TAF1A: variants seen among roughly 807,000 people sequenced by gnomAD.
TAF1A encodes the protein TATA box-binding protein-associated factor RNA polymerase I subunit A.
Under a neutral mutation model 61.6 loss-of-function variants are expected in TAF1A, and 42 were observed. The observed-to-expected ratio is 0.68, with a 90% CI of 0.53 to 0.88. The LOEUF (loss-of-function observed/expected upper bound fraction) is 0.88. TAF1A is among the 40% of genes least tolerant of loss of function. TAF1A has a pLI of 0.00. For synonymous variants in TAF1A, 179 were observed against 177.7 expected, an observed-to-expected ratio of 1.01 and a Z score of -0.06; for missense variants, 424 against 518.7, an observed-to-expected ratio of 0.82 and a Z score of 1.77.
At chr1:222,558,856 G>A in intron 10 of TAF1A, 84 bp from the exon 11 acceptor site, 1 of 558,816 alleles carries the variant, frequency 1.8e-6, no homozygotes. Flanking sequence ...TCTGCTTTAA[G>A]TTTAGCACAC....
At position 222,563,231 on chromosome 1, in the gene TAF1A, T is replaced by G. The variant is rs1378521340; in HGVS notation, c.1027A>C (p.Thr343Pro). 1 of 1,612,736 alleles carries G rather than the reference T, an allele frequency of 6.2e-7. No homozygotes were observed. Among genetic ancestry groups the G allele is most frequent in the Non-Finnish European group, 8.5e-7 (1 of 1,179,304 alleles). Residue 343 changes from threonine to proline, a missense_variant, in exon 9 of 11, where the codon ACT (threonine) becomes CCT (proline). Transcript: ENST00000352967. ...LFGVLDFAGCTKNITAWKYLA... is the reference protein window; with the variant it reads ...LFGVLDFAGCPKNITAWKYLA... ...TATTTCCAAGCAGTTATATTCTTAGTGCATCCGGCAAAATCTAAGACTCCA... is the reference window on the plus strand; with the variant it reads ...TATTTCCAAGCAGTTATATTCTTAGGGCATCCGGCAAAATCTAAGACTCCA...
At chr1:222,579,491 A>G (rs1660700491) in intron 4 of TAF1A, among the ~76,000 whole-genome samples, 2 of 152,226 alleles carry the variant, frequency 1.3e-5, no homozygotes, top group African/African-American at 4.8e-5. Context: ...GCCCATCATC[A>G]TACCACTGCA....
chr1:222,566,026 C>T (rs1349183378), intron 7 of TAF1A, among the ~76,000 whole-genome samples: 2 of 152,216 alleles, frequency 1.3e-5, no homozygotes, highest in East Asian at 3.8e-4. Context: ...GAACTTTTCT[C>T]TATCATTTCT....
Position 222,569,585 on chromosome 1 carries a change from T to A in TAF1A, c.819A>T (p.Pro273=). 1 of 1,614,094 alleles carries A rather than the reference T, an allele frequency of 6.2e-7. No individual in the cohort carries two copies. The highest frequency in any genetic ancestry group is 8.5e-7 in the Non-Finnish European group (1 of 1,179,966). The part of the protein sequence containing the change: ...YAYDEKFPSN[P]NAHIYLYNFL... ...AGTTGTATAAGTAGATATGGGCATT[T>A]GGATTTGATGGAAACTTTTCATCAT... The change falls in exon 7 of 11, where the codon CCA becomes CCT. Residue 273 remains proline, a synonymous_variant. Transcript: ENST00000352967.
chr1:222,582,295 TAC>T (rs1452838892), intron 3 of TAF1A, among the ~76,000 whole-genome samples: 1 of 152,204 alleles, frequency 6.6e-6, no homozygotes, highest in Non-Finnish European at 1.5e-5. Flanking sequence ...GGAAAGCTAT[TAC>T]AGTGTTTTCA....
intron 1 of TAF1A, 74 bp from the exon 2 acceptor site, chr1:222,588,639 GCTAT>G (rs879824688): frequency 6.8e-5 from 99 of 1,464,232 alleles, no homozygotes; most frequent in East Asian, 5.9e-4. Context: ...CAGAAAAACG[GCTAT>G]CTTTTTATCT....
chr1:222,558,647 C>T lies in TAF1A; in HGVS notation c.*13G>A, dbSNP rs759698789. On this transcript the variant is annotated 3_prime_UTR_variant, in exon 11 of 11. Transcript: ENST00000352967. ...CTGTGTAGCTACAACTGTGAAATAA[C>T]TAAAATTCAGTATCAGAGTCTTGGA... 4 of 1,414,544 alleles carry T rather than the reference C, an allele frequency of 2.8e-6. No individual in the cohort carries two copies. The East Asian group carries it at 9.4e-5, about 33-fold the overall frequency. 87.6% of individuals were successfully genotyped at this position (1,414,544 alleles called of 1,614,324 possible).
intron 5 of TAF1A, among the ~76,000 whole-genome samples, chr1:222,574,687 A>G (rs1355115435): frequency 6.6e-6 from 1 of 152,254 alleles, no homozygotes; most frequent in Non-Finnish European, 1.5e-5. Flanking sequence ...AACATGTATT[A>G]TCTTAAAACT....
At chr1:222,571,474 A>G (rs1359657857) in intron 5 of TAF1A, among the ~76,000 whole-genome samples, 1 of 152,134 alleles carries the variant, frequency 6.6e-6, no homozygotes, top group East Asian at 1.9e-4. Context: ...TCTTGTACAC[A>G]GAAAAATCCT....
chr1:222,579,283 C>T (rs1164082556), intron 4 of TAF1A, among the ~76,000 whole-genome samples: 1 of 152,104 alleles, frequency 6.6e-6, no homozygotes, highest in Non-Finnish European at 1.5e-5. Flanking sequence ...GAGGGAGATA[C>T]AATATTTTGA....
At position 222,570,665 on chromosome 1, in the gene TAF1A, T is replaced by C. The variant is rs1418135663; in HGVS notation, c.605A>G (p.Asp202Gly). ...SEKKMELSKL[D>G]KDDYAYNAVA... ...TGCATTGTAAGCATAATCATCCTTA[T>C]CTGCCCAAAGATACAAGATCTTTTA... Residue 202 changes from aspartate (D) to glycine (G), a missense_variant and splice_region_variant, in exon 6 of 11, where the codon GAT becomes GGT. Asp to Gly is a moderately conservative substitution (Grantham distance 94). Transcript: ENST00000352967. 11 of 1,603,096 alleles carry C rather than the reference T, an allele frequency of 6.9e-6. 1 individual carries two copies. The South Asian group carries it at 1.2e-4, about 18-fold the overall frequency.
Position 222,561,395 on chromosome 1 carries a change from T to A in TAF1A, c.1209A>T (p.Lys403Asn). 6.2e-7 allele frequency: 1 copy of A among 1,608,202 alleles called. No individual in the cohort carries two copies. Among genetic ancestry groups the A allele is most frequent in the Non-Finnish European group, 8.5e-7 (1 of 1,177,952 alleles). Residue 403 changes from lysine to asparagine, a missense_variant, in exon 10 of 11, where the codon AAA becomes AAT. By Grantham distance (94) the Lys-to-Asn change is moderately conservative. Transcript: ENST00000352967. ...WKEDTALACE[K>N]AFVAGLLLGK... ...CTAACAGTAAACCAGCCACAAAAGC[T>A]TTCTCACAGGCCAAAGCTGTATCTT... is the stretch of plus-strand genomic sequence containing the variant.
At chr1:222,569,704 C>A in intron 6 of TAF1A, 36 bp from the exon 7 acceptor site, 1 of 1,561,064 alleles carries the variant, frequency 6.4e-7, no homozygotes. Context: ...TAGCTGAATT[C>A]TGTAAGACAG....
rs183736166 is a variant in TAF1A at position 222,575,860 on chromosome 1, C to T, written c.604+1585G>A. Among the ~76,000 whole-genome samples the T allele has an allele frequency of 1.0e-3, 156 of 152,244 alleles. 1 individual carries two copies. The highest frequency in any genetic ancestry group is 6.8e-3 in the Middle Eastern group (2 of 294). On this transcript the variant is annotated intron_variant, in intron 5 of 10. Transcript: ENST00000352967. ...ATCCACAAGAGTAACATTACAAATGCGATGTTCCAACAGCTTTAATCATCA... is the reference window on the plus strand; with the variant it reads ...ATCCACAAGAGTAACATTACAAATGTGATGTTCCAACAGCTTTAATCATCA...
intron 2 of TAF1A, among the ~76,000 whole-genome samples, chr1:222,588,152 C>A (rs572770663): frequency 1.3e-5 from 2 of 152,216 alleles, no homozygotes; most frequent in African/African-American, 4.8e-5. Flanking sequence ...TCCTCAATGG[C>A]AGAGACCATA....
chr1:222,569,791 T>A lies in TAF1A; in HGVS notation c.736-123A>T. On this transcript the variant is annotated intron_variant, in intron 6 of 10. Coordinates refer to ENST00000352967, the MANE Select transcript of TAF1A (RefSeq NM_005681.4). The stretch of plus-strand genomic sequence containing the variant: ...AATCACAAAACTGACAGGGTTCCCA[T>A]TTTTTCCCTGTATTTTGTTACTACT... 8.2e-6 allele frequency: 7 copies of A among 854,396 alleles called. No homozygotes were observed. In the South Asian group the frequency reaches 1.4e-4, roughly 17 times the overall value. 52.9% of individuals were successfully genotyped at this position (854,396 alleles called of 1,614,324 possible).
At chr1:222,556,761 C>A (rs1659732316), downstream of TAF1A, among the ~76,000 whole-genome samples, 1 of 152,180 alleles carries the variant, frequency 6.6e-6, no homozygotes, top group Non-Finnish European at 1.5e-5. Context: ...CTTTTATTCT[C>A]ACCTCCATTT....
downstream of TAF1A, chr1:222,557,886 T>C (rs978599486): frequency 8.0e-6 from 1 of 125,100 alleles, no homozygotes; most frequent in Non-Finnish European, 1.7e-5. Context: ...TTTTGTTTTT[T>C]TTTTTTTTTT....
chr1:222,576,748 G>A (rs1660586391), intron 5 of TAF1A, among the ~76,000 whole-genome samples: 1 of 152,118 alleles, frequency 6.6e-6, no homozygotes, highest in South Asian at 2.1e-4. Flanking sequence ...ACATTACAAA[G>A]TAAATTAAAC....
Sources: gnomAD v4.1 joint callset for allele counts (sites outside exome capture counted in the v4.1 genomes callset) on GRCh38, gnomAD v4.1.1 for gene constraint, MANE v1.5 for transcripts, NCBI Gene and HGNC (gene_info 2026-07-23, HGNC 2026-07-21) for gene names.